The following FANCA variants were observed in gnomAD, a reference collection of about 807,000 sequenced individuals.
The protein encoded by FANCA is Fanconi anemia group A protein.
Under a neutral mutation model 194.3 loss-of-function variants are expected in FANCA, and 236 were observed. The observed-to-expected ratio is 1.21, with a 90% CI of 1.09 to 1.35. FANCA has a LOEUF of 1.35. FANCA is among the 40% of genes most tolerant of loss of function. FANCA has a pLI of 0.00. For missense variants in FANCA, 2,628 were observed against 1,813.9 expected, an observed-to-expected ratio of 1.45 and a Z score of -8.15; for synonymous variants, 1,014 against 715.8, an observed-to-expected ratio of 1.42 and a Z score of -6.65.
At chr16:89,758,462 G>T in intron 30 of FANCA, 115 bp downstream of exon 30, 1 of 1,297,238 alleles carries the variant, frequency 7.7e-7, no homozygotes, top group Non-Finnish European at 1.1e-6. Flanking sequence ...GCTGGGAAAG[G>T]CAGACCCACC....
At chr16:89,793,256 G>A (rs1318167335) in intron 11 of FANCA, among the ~76,000 whole-genome samples, 2 of 152,092 alleles carry the variant, frequency 1.3e-5, no homozygotes, top group Non-Finnish European at 1.5e-5. Flanking sequence ...GGTGACGGGC[G>A]TCTTCCCAGA....
intron 3 of FANCA, 129 bp downstream of exon 3, chr16:89,814,391 G>C (rs560746760): frequency 3.1e-6 from 2 of 638,596 alleles, no homozygotes; most frequent in East Asian, 5.6e-5. Flanking sequence ...CATAGAATTT[G>C]CGACTACACA....
chr16:89,796,165 G>C, intron 10 of FANCA, 147 bp from the exon 11 acceptor site: 1 of 704,174 alleles, frequency 1.4e-6, no homozygotes, highest in South Asian at 1.5e-5. Context: ...CCACAGACTT[G>C]AAACTGAATC....
chr16:89,741,142 T>C (rs2062123024), intron 37 of FANCA, among the ~76,000 whole-genome samples: 1 of 152,192 alleles, frequency 6.6e-6, no homozygotes, highest in Non-Finnish European at 1.5e-5. Flanking sequence ...TGCGGTCTCC[T>C]TGGCTGTGCG....
chr16:89,745,967 T>C (rs377651954), intron 35 of FANCA, among the ~76,000 whole-genome samples: 5 of 152,200 alleles, frequency 3.3e-5, no homozygotes, highest in South Asian at 2.1e-4. Context: ...GGGAGCTCCC[T>C]GGGGAACATG....
chr16:89,749,361 C>G (rs1030673880), intron 32 of FANCA, among the ~76,000 whole-genome samples: 1 of 152,108 alleles, frequency 6.6e-6, no homozygotes, highest in Non-Finnish European at 1.5e-5. Flanking sequence ...TACAGGTGCC[C>G]GCCACCACAC....
Position 89,778,840 on chromosome 16 carries a change from A to G in FANCA, c.1787T>C (p.Val596Ala). 6.2e-7 allele frequency: 1 copy of G among 1,613,994 alleles called. No homozygotes were observed. The highest frequency in any genetic ancestry group is 1.3e-5 in the African/African-American group (1 of 74,978). The change falls in exon 20 of 43, where the codon GTC becomes GCC. Residue 596 changes from valine (V) to alanine (A), a missense_variant. Physicochemically the swap from Val to Ala is moderately conservative, Grantham distance 64 (BLOSUM62 0). Coordinates refer to ENST00000389301, the MANE Select transcript of FANCA (RefSeq NM_000135.4). ...ALLTPRVLPK[V>A]PDSRVAFIES... Reference sequence around the variant, plus strand: ...TATAAACGCCACACGGGAGTCAGGGACTTTGGGGAGCTGTGGGAAGAGAAG... The same window carrying G: ...TATAAACGCCACACGGGAGTCAGGGGCTTTGGGGAGCTGTGGGAAGAGAAG...
intron 14 of FANCA, among the ~76,000 whole-genome samples, chr16:89,787,136 T>C (rs1445553056): frequency 6.6e-6 from 1 of 152,114 alleles, no homozygotes; most frequent in Non-Finnish European, 1.5e-5. Flanking sequence ...TTTGAAAAAA[T>C]TACACTTAAT....
chr16:89,759,604 T>A (rs1042734902), intron 29 of FANCA, among the ~76,000 whole-genome samples: 6 of 150,098 alleles, frequency 4.0e-5, no homozygotes, highest in African/African-American at 1.5e-4. Flanking sequence ...CTACAAAAAA[T>A]AAAAAAATTA....
At chr16:89,805,469 CA>C in intron 6 of FANCA, 77 bp from the exon 7 acceptor site, 1 of 1,212,682 alleles carries the variant, frequency 8.2e-7, no homozygotes, top group Non-Finnish European at 1.2e-6. Context: ...CCATATGTCC[CA>C]ATTTTTTTTT....
chr16:89,744,823 G>A (rs2062207558), intron 36 of FANCA, 136 bp downstream of exon 36: 1 of 820,856 alleles, frequency 1.2e-6, no homozygotes. Flanking sequence ...CGAGAACTCG[G>A]TTCTTTTCTC....
intron 20 of FANCA, among the ~76,000 whole-genome samples, chr16:89,777,430 TA>T (rs1184361405): frequency 6.6e-6 from 1 of 151,870 alleles, no homozygotes; most frequent in Non-Finnish European, 1.5e-5. Flanking sequence ...TTTTAAGATT[TA>T]AAAAATTATT....
In FANCA at chr16:89,775,622, C is replaced by T. The variant is rs559671227; in HGVS notation, c.1900+120G>A. ...TGGGCGGACCCTGTACCCAAAGCAC[C>T]GGCTTGAGCTGGCACAGCCACCCCC... On this transcript the variant is annotated intron_variant, in intron 21 of 42. Coordinates refer to ENST00000389301, the MANE Select transcript of FANCA (RefSeq NM_000135.4). The T allele has an allele frequency of 4.9e-5, 39 of 789,540 alleles. No individual in the cohort carries two copies. In the Middle Eastern group the frequency reaches 1.2e-3, roughly 24 times the overall value. The allele number at this position is 789,540 out of a possible 1,614,324, so 48.9% of individuals were successfully genotyped here. A position where few individuals can be genotyped will look rare whatever the true frequency, so the allele number is the denominator to read the frequency against.
At chr16:89,744,459 C>G (rs895321696) in intron 36 of FANCA, among the ~76,000 whole-genome samples, 2 of 152,136 alleles carry the variant, frequency 1.3e-5, no homozygotes, top group Non-Finnish European at 2.9e-5. Context: ...GAATATCTGA[C>G]TGGGGTCGAC....
chr16:89,760,497 G>C (rs1217649755), intron 29 of FANCA, among the ~76,000 whole-genome samples: 2 of 152,146 alleles, frequency 1.3e-5, no homozygotes, highest in African/African-American at 2.4e-5. Context: ...GTCTAGGTGT[G>C]GCAGGCACCC....
At chr16:89,782,786 G>A (rs2039764465) in intron 17 of FANCA, 73 bp downstream of exon 17, 1 of 1,358,126 alleles carries the variant, frequency 7.4e-7, no homozygotes, top group African/African-American at 1.4e-5. Flanking sequence ...CTCAACTCAA[G>A]AGTCAAAAGA....
rs184323080 is a variant in FANCA, at chr16:89,783,138, T to A, written c.1471-36A>T. On this transcript the variant is annotated intron_variant, in intron 15 of 42. Coordinates refer to ENST00000389301, the MANE Select transcript of FANCA (RefSeq NM_000135.4). ...ATAGCAGAGCGCAGCACCGTTAGTC[T>A]GGGAACTGCCTGGGACTCCAGGGAG... 7.3e-5 allele frequency: 112 copies of A among 1,529,824 alleles called. No homozygotes were observed. In the African/African-American group the frequency reaches 1.2e-3, roughly 16 times the overall value. 94.8% of individuals were successfully genotyped at this position (1,529,824 alleles called of 1,614,324 possible).
At chr16:89,752,332 G>A in intron 30 of FANCA, 110 bp from the exon 31 acceptor site, 1 of 887,000 alleles carries the variant, frequency 1.1e-6, no homozygotes, top group Non-Finnish European at 1.9e-6. Context: ...CTCTGACAGT[G>A]TGACCCTCAC....
In FANCA at chr16:89,758,685, G is replaced by A. The variant is rs1374262828; in HGVS notation, c.2873C>T (p.Ala958Val). The change falls in exon 30 of 43, where the codon GCG becomes GTG. Residue 958 changes from alanine (A) to valine (V), a missense_variant. Transcript: ENST00000389301. ...CTCAGGGAGAAAGTGCTCATGGATC[G>A]CCCACTGGTGGAAGTCCTGCCTAGA... The part of the protein sequence containing the change: ...DTERQDFHQW[A>V]IHEHFLPESS... The A allele has an allele frequency of 6.8e-6, 11 of 1,613,642 alleles. No individual in the cohort carries two copies. Among genetic ancestry groups the A allele is most frequent in the Middle Eastern group, 1.6e-4 (1 of 6,080 alleles).
Sources: allele counts gnomAD v4.1 joint callset (sites outside exome capture counted in the v4.1 genomes callset), GRCh38; gene constraint gnomAD v4.1.1; transcripts MANE v1.5; gene names NCBI Gene and HGNC (gene_info 2026-07-23, HGNC 2026-07-21).